ARHGAP5: variants seen among roughly 807,000 people sequenced by gnomAD.
The protein encoded by ARHGAP5 is Rho GTPase activating protein 5, also known as rho GTPase-activating protein 5.
ARHGAP5 carries 23 observed loss-of-function variants against 116.6 expected under a neutral mutation model. That is an observed-to-expected ratio of 0.20 (90% confidence interval 0.14 to 0.28). The LOEUF is 0.28. ARHGAP5 is among the 10% of genes least tolerant of loss of function. The probability of loss-of-function intolerance (pLI) is 1.00; values close to 1 mark genes in which losing one functional copy is unlikely to be tolerated. For synonymous variants in ARHGAP5, 574 were observed against 602.0 expected, an observed-to-expected ratio of 0.95 and a Z score of 0.68; for missense variants, 1,405 against 1,774.8, an observed-to-expected ratio of 0.79 and a Z score of 3.74.
In ARHGAP5 at chr14:32,092,483, G is replaced by A. The variant is rs1566660877; in HGVS notation, c.1814G>A (p.Gly605Asp). ...KVNLFILGKD[G>D]LAQELANEIR... ...AACCTTTTTATTTTAGGGAAGGATG[G>A]CCTTGCCCAAGAACTAGCAAATGAG... Residue 605 changes from glycine to aspartate, a missense_variant, in exon 2 of 7, where the codon GGC becomes GAC. By Grantham distance (94) the Gly-to-Asp change is moderately conservative. Transcript: ENST00000345122. This position sits in a 1 kb window ranked among gnomAD's most constrained non-coding sequence, Gnocchi z 4.1. 1 of 1,613,876 alleles carries A rather than the reference G, an allele frequency of 6.2e-7. No homozygotes were observed. Among genetic ancestry groups the A allele is most frequent in the African/African-American group, 1.3e-5 (1 of 74,914 alleles).
chr14:32,133,315 T>A (rs1221704056), intron 3 of ARHGAP5, among the ~76,000 whole-genome samples: 1 of 152,206 alleles, frequency 6.6e-6, no homozygotes, highest in Non-Finnish European at 1.5e-5. Flanking sequence ...CCTTGTAAGT[T>A]GGATTCCTGG....
At chr14:32,141,108 G>A (rs1282174480) in intron 3 of ARHGAP5, among the ~76,000 whole-genome samples, 2 of 152,126 alleles carry the variant, frequency 1.3e-5, no homozygotes, top group Middle Eastern at 3.4e-3. Context: ...TATTTTTTCT[G>A]ATACTAGGAT....
chr14:32,138,503 C>G (rs570608458), intron 3 of ARHGAP5, among the ~76,000 whole-genome samples: 1 of 152,220 alleles, frequency 6.6e-6, no homozygotes, highest in African/African-American at 2.4e-5. Context: ...AGACTGGTCT[C>G]AGACTCCTGA....
At chr14:32,084,611 C>T (rs2041810681) in intron 1 of ARHGAP5, among the ~76,000 whole-genome samples, 1 of 152,138 alleles carries the variant, frequency 6.6e-6, no homozygotes, top group Non-Finnish European at 1.5e-5. Context: ...AACAAAATCC[C>T]AATGCTTCTA....
chr14:32,091,466 G>T lies in ARHGAP5; in HGVS notation c.797G>T (p.Arg266Ile). 1 of 1,612,924 alleles carries T rather than the reference G, an allele frequency of 6.2e-7. No homozygotes were observed. Among genetic ancestry groups the T allele is most frequent in the South Asian group, 1.1e-5 (1 of 90,784 alleles). Residue 266 changes from arginine (R) to isoleucine (I), a missense_variant, in exon 2 of 7, where the codon AGA becomes ATA. By Grantham distance (97) the Arg-to-Ile change is moderately conservative. Coordinates refer to ENST00000345122, the MANE Select transcript of ARHGAP5 (RefSeq NM_001030055.2). ...TATTTGGATGCTTATAAAACACAGA[G>T]ACAACTTGTTGTCACAGCAACAGAT... ...IPYLDAYKTQ[R>I]QLVVTATDKF...
At chr14:32,115,726 C>T (rs1879532384) in intron 2 of ARHGAP5, among the ~76,000 whole-genome samples, 1 of 148,108 alleles carries the variant, frequency 6.8e-6, no homozygotes, top group Non-Finnish European at 1.5e-5. Flanking sequence ...AGTCCCAGCA[C>T]TTGGGGAGGC....
chr14:32,137,728 TC>T (rs1191959526), intron 3 of ARHGAP5, among the ~76,000 whole-genome samples: 27 of 152,048 alleles, frequency 1.8e-4, no homozygotes, highest in African/African-American at 6.5e-4. Context: ...ATCCCAGCAC[TC>T]TGGGAGGCTG....
chr14:32,112,184 G>A (rs1302106930), intron 2 of ARHGAP5, among the ~76,000 whole-genome samples: 3 of 152,116 alleles, frequency 2.0e-5, no homozygotes, highest in African/African-American at 4.8e-5. Context: ...TGTTTCCACA[G>A]CTGGTTCTTT....
At chr14:32,088,084 G>A (rs1012564469) in intron 1 of ARHGAP5, among the ~76,000 whole-genome samples, 7 of 151,834 alleles carry the variant, frequency 4.6e-5, no homozygotes, top group East Asian at 1.9e-4. Flanking sequence ...GTATTTTGGG[G>A]TTTATGCTAT....
chr14:32,119,397 C>G (rs1879769066), intron 3 of ARHGAP5, among the ~76,000 whole-genome samples: 1 of 151,920 alleles, frequency 6.6e-6, no homozygotes, highest in South Asian at 2.1e-4. Context: ...ATAATCAGTC[C>G]TCTTATTTAA....
At chr14:32,082,147 C>A (rs944437561) in intron 1 of ARHGAP5, among the ~76,000 whole-genome samples, 1 of 152,180 alleles carries the variant, frequency 6.6e-6, no homozygotes, top group Non-Finnish European at 1.5e-5. Flanking sequence ...CAGCCCAGTT[C>A]CTAATAAGCC....
chr14:32,142,517 T>G (rs1331669709), intron 3 of ARHGAP5, among the ~76,000 whole-genome samples: 1 of 152,236 alleles, frequency 6.6e-6, no homozygotes. Flanking sequence ...TTGCGGTGAT[T>G]TGTTAGTTTC....
chr14:32,116,266 G>A (rs112287820), intron 2 of ARHGAP5, among the ~76,000 whole-genome samples: 1 of 150,130 alleles, frequency 6.7e-6, no homozygotes, highest in African/African-American at 2.5e-5. Context: ...TCCAGCCTGG[G>A]TGAGAGAGCA....
Position 32,157,466 on chromosome 14 carries a change from CAT to C in ARHGAP5, c.*2519_*2520del, listed in dbSNP as rs1337598855. ...TACTGAATAAAATTTCATCTACACA[CAT>C]GTTGCCATTGTTTCATTTAAGGTTC... On this transcript the variant is annotated 3_prime_UTR_variant, in exon 7 of 7. Transcript: ENST00000345122. 3.9e-5 allele frequency: 6 copies of C among 152,226 alleles called. No individual in the cohort carries two copies. Among genetic ancestry groups the C allele is most frequent in the African/African-American group, 1.2e-4 (5 of 41,436 alleles). The allele number at this position is 152,226 out of a possible 1,614,324, so 9.4% of individuals were successfully genotyped here.
At chr14:32,107,494 A>G (rs1042799259) in intron 2 of ARHGAP5, among the ~76,000 whole-genome samples, 1 of 152,226 alleles carries the variant, frequency 6.6e-6, no homozygotes, top group Non-Finnish European at 1.5e-5. Context: ...GTCAATGTTT[A>G]CTGAGTATCT....
At position 32,153,347 on chromosome 14, in the gene ARHGAP5, C is replaced by A. The variant is rs562497785; in HGVS notation, c.4181+819C>A. On this transcript the variant is annotated intron_variant, in intron 6 of 6. Coordinates refer to ENST00000345122, the MANE Select transcript of ARHGAP5 (RefSeq NM_001030055.2). ...GCTTGAGCCCGGGAGGCGGAGGTTGCAATGAGCTGAGATCATGCCATTGCA... is the reference window on the plus strand; with the variant it reads ...GCTTGAGCCCGGGAGGCGGAGGTTGAAATGAGCTGAGATCATGCCATTGCA... Among the ~76,000 whole-genome samples the A allele has an allele frequency of 1.2e-4, 13 of 108,088 alleles. No individual in the cohort carries two copies. In the South Asian group the frequency reaches 4.5e-3, roughly 38 times the overall value. The allele number at this position is 108,088 out of a possible 152,430, so 70.9% of individuals were successfully genotyped here.
Position 32,077,450 on chromosome 14 carries a change from A to G in ARHGAP5, c.-169+15A>G. 1.4e-6 allele frequency: 1 copy of G among 697,316 alleles called. No homozygotes were observed. The highest frequency in any genetic ancestry group is 2.7e-5 in the East Asian group (1 of 36,656). 43.2% of individuals were successfully genotyped at this position (697,316 alleles called of 1,614,324 possible). A position where few individuals can be genotyped will look rare whatever the true frequency, so the allele number is the denominator to read the frequency against. ...GACGTTGTTAGGTAGGACCTTGCGG[A>G]CCCCGCTCCTCCAAGCCTGCCTGCC... is the stretch of plus-strand genomic sequence containing the variant. On this transcript the variant is annotated intron_variant, in intron 1 of 6. Transcript: ENST00000345122.
intron 3 of ARHGAP5, among the ~76,000 whole-genome samples, chr14:32,132,889 T>A (rs1880579206): frequency 1.3e-5 from 2 of 151,926 alleles, no homozygotes; most frequent in Admixed American, 1.3e-4. Context: ...AAAGATCAGA[T>A]AGTTGTAGAT....
intron 3 of ARHGAP5, among the ~76,000 whole-genome samples, chr14:32,119,676 C>CT (rs999096919): frequency 2.0e-5 from 3 of 152,124 alleles, no homozygotes; most frequent in Non-Finnish European, 4.4e-5. Context: ...AGAAAGTACT[C>CT]TAACATTCCT....
Sources: allele counts gnomAD v4.1 joint callset (sites outside exome capture counted in the v4.1 genomes callset), GRCh38; gene constraint gnomAD v4.1.1; non-coding constraint Gnocchi (gnomAD v3.1); transcripts MANE v1.5; gene names NCBI Gene and HGNC (gene_info 2026-07-23, HGNC 2026-07-21).